RBFOX1: variants seen among roughly 807,000 people sequenced by gnomAD.
RBFOX1 encodes RNA binding protein fox-1 homolog 1.
A neutral mutation model predicts 57.7 loss-of-function variants in RBFOX1; 8 were observed. The ratio of observed to expected loss-of-function variants is 0.14; its 90% CI spans 0.08 to 0.25. The LOEUF is 0.25. Among genes scored for constraint, RBFOX1 ranks in the 10% least tolerant of loss-of-function variants. The probability of loss-of-function intolerance (pLI) is 1.00; values close to 1 mark genes in which losing one functional copy is unlikely to be tolerated. For missense variants in RBFOX1, 611 were observed against 548.5 expected (o/e 1.11, Z -1.14); for synonymous variants, 326 against 222.4 (o/e 1.47, Z -4.15).
intron 1 of RBFOX1, among the ~76,000 whole-genome samples, chr16:6,148,600 C>G (rs1182909795): frequency 6.6e-6 from 1 of 152,074 alleles, no homozygotes; most frequent in African/African-American, 2.4e-5. Context: ...GTAGATGAAT[C>G]CCCTTTGACT....
At position 7,072,257 on chromosome 16, in the gene RBFOX1, T is replaced by G. The variant is rs567231356; in HGVS notation, c.27+20159T>G. 2.5e-4 allele frequency among the ~76,000 whole-genome samples: 38 copies of G among 152,350 alleles called. No homozygotes were observed. The South Asian group carries it at 7.2e-3, about 29-fold the overall frequency. On this transcript the variant is annotated intron_variant, in intron 4 of 15. Coordinates refer to ENST00000550418, the MANE Select transcript of RBFOX1 (RefSeq NM_018723.4). ...TTCTATTCACTCCTTAGGGCCAGAA[T>G]GACCTTTAAAGAGCTTAATTAATGC... is the stretch of plus-strand genomic sequence containing the variant.
intron 4 of RBFOX1, among the ~76,000 whole-genome samples, chr16:5,977,442 G>C (rs2060087759): frequency 6.6e-6 from 1 of 152,322 alleles, no homozygotes; most frequent in South Asian, 2.1e-4. Flanking sequence ...AAACCTGTGT[G>C]TGCGGTGCAG....
At chr16:6,476,384 A>G (rs2095272289) in intron 2 of RBFOX1, among the ~76,000 whole-genome samples, 1 of 152,214 alleles carries the variant, frequency 6.6e-6, no homozygotes, top group Non-Finnish European at 1.5e-5. Context: ...CTGTAGGTTC[A>G]GTTACAAGCC....
chr16:7,044,914 T>C (rs1021096066), intron 3 of RBFOX1, among the ~76,000 whole-genome samples: 16 of 152,154 alleles, frequency 1.1e-4, no homozygotes, highest in Admixed American at 7.2e-4. Context: ...TTTAAGAGCC[T>C]CATTAGTTGC....
intron 1 of RBFOX1, among the ~76,000 whole-genome samples, chr16:6,183,736 G>C (rs2097085395): frequency 6.6e-6 from 1 of 152,076 alleles, no homozygotes; most frequent in Admixed American, 6.6e-5. Context: ...CCACAGCAAG[G>C]AGTTTAGTGT....
intron 1 of RBFOX1, among the ~76,000 whole-genome samples, chr16:6,187,443 T>C (rs549049526): frequency 3.3e-5 from 5 of 152,260 alleles, no homozygotes; most frequent in African/African-American, 1.2e-4. Flanking sequence ...ATTGGGAATT[T>C]AGGCGGAAGT....
chr16:7,347,449 G>C (rs543674422), intron 4 of RBFOX1, among the ~76,000 whole-genome samples: 1 of 152,230 alleles, frequency 6.6e-6, no homozygotes, highest in South Asian at 2.1e-4. Context: ...GCACAGGAAA[G>C]ACCCGCCCCC....
intron 4 of RBFOX1, among the ~76,000 whole-genome samples, chr16:7,188,541 C>T (rs2084492263): frequency 6.6e-6 from 1 of 152,138 alleles, no homozygotes; most frequent in South Asian, 2.1e-4. Context: ...CACCTTTTCT[C>T]CCCATCACCC....
chr16:6,459,351 G>T (rs1000820066), intron 2 of RBFOX1, among the ~76,000 whole-genome samples: 3 of 152,064 alleles, frequency 2.0e-5, no homozygotes, highest in African/African-American at 7.2e-5. Flanking sequence ...CTTTATTCAG[G>T]ATACTCACTC....
chr16:6,519,658 G>A (rs552391357), intron 2 of RBFOX1, among the ~76,000 whole-genome samples: 5 of 152,264 alleles, frequency 3.3e-5, no homozygotes, highest in South Asian at 2.1e-4. Context: ...CTGAGATCAC[G>A]CTACTGCACT....
intron 4 of RBFOX1, among the ~76,000 whole-genome samples, chr16:7,453,785 C>T (rs780424869): frequency 6.6e-6 from 1 of 152,132 alleles, no homozygotes; most frequent in Non-Finnish European, 1.5e-5. Context: ...GTTGGGCACC[C>T]TGATGAGATT....
intron 4 of RBFOX1, among the ~76,000 whole-genome samples, chr16:7,218,767 C>G (rs150649529): frequency 6.7e-6 from 1 of 149,928 alleles, no homozygotes; most frequent in African/African-American, 2.5e-5. Flanking sequence ...CAGAGATTGC[C>G]TTTTATTTTT....
chr16:7,489,810 C>G (rs2066459484), intron 4 of RBFOX1, among the ~76,000 whole-genome samples: 1 of 152,106 alleles, frequency 6.6e-6, no homozygotes, highest in East Asian at 1.9e-4. Flanking sequence ...TGTGAGCCAC[C>G]ACGCCCAGCT....
At chr16:6,903,345 A>T (rs906538331) in intron 3 of RBFOX1, among the ~76,000 whole-genome samples, 1 of 152,196 alleles carries the variant, frequency 6.6e-6, no homozygotes, top group African/African-American at 2.4e-5. Context: ...GGCGGTGCTT[A>T]TAAAGCAAGA....
chr16:7,262,098 C>T (rs2094940258), intron 4 of RBFOX1, among the ~76,000 whole-genome samples: 1 of 152,012 alleles, frequency 6.6e-6, no homozygotes, highest in Admixed American at 6.6e-5. Flanking sequence ...CTGGGGGTAC[C>T]ATTTCTGGGA....
chr16:6,853,766 G>A (rs893326834), intron 3 of RBFOX1, among the ~76,000 whole-genome samples: 1 of 152,106 alleles, frequency 6.6e-6, no homozygotes, highest in Non-Finnish European at 1.5e-5. Context: ...GTGGAGAGGA[G>A]CTGCACTCTG....
chr16:5,762,468 T>A (rs1175501518), intron 3 of RBFOX1, among the ~76,000 whole-genome samples: 1 of 152,126 alleles, frequency 6.6e-6, no homozygotes, highest in Non-Finnish European at 1.5e-5. Context: ...CAACCTTTTG[T>A]GGGGCAGTTT....
chr16:6,820,069 T>C (rs1430513507), intron 3 of RBFOX1, among the ~76,000 whole-genome samples: 1 of 152,168 alleles, frequency 6.6e-6, no homozygotes, highest in Middle Eastern at 3.2e-3. Flanking sequence ...TGGGGCTTGA[T>C]TTTTCCTTTC....
chr16:5,768,155 A>G (rs1344573507), intron 3 of RBFOX1, among the ~76,000 whole-genome samples: 1 of 152,144 alleles, frequency 6.6e-6, no homozygotes. Context: ...TAATGAATGC[A>G]TGTGTGGCCG....
Sources: allele counts gnomAD v4.1 joint callset (sites outside exome capture counted in the v4.1 genomes callset), GRCh38; gene constraint gnomAD v4.1.1; transcripts MANE v1.5; gene names NCBI Gene and HGNC (gene_info 2026-07-23, HGNC 2026-07-21).